CD209: variants seen among roughly 807,000 people sequenced by gnomAD.
The protein encoded by CD209 is CD209 antigen.
In CD209, 31 loss-of-function variants were observed where a neutral mutation model predicts 44.7. The observed-to-expected ratio is 0.69, with a 90% CI of 0.52 to 0.94. The LOEUF (loss-of-function observed/expected upper bound fraction) is 0.94, where lower values mean the gene tolerates loss of function less well. CD209 is among the 40% of genes least tolerant of loss of function. CD209 has a pLI of 0.00. For synonymous variants in CD209, 173 were observed against 181.3 expected (o/e 0.95, Z 0.37); for missense variants, 407 against 452.4 (o/e 0.90, Z 0.91).
rs1345025031 is a variant in CD209 at position 7,744,962 on chromosome 19, T to C, written c.879A>G (p.Val293=). 3 of 1,614,102 alleles carry C rather than the reference T, an allele frequency of 1.9e-6. No homozygotes were observed. Among genetic ancestry groups the C allele is most frequent in the Non-Finnish European group, 2.5e-6 (3 of 1,180,032 alleles). ...GTACCTGCTCCTCAGCACTTTTGAT[T>C]ACGACGAGCTGGGCCCCCACTTCTT... is the stretch of plus-strand genomic sequence containing the variant. ...ACKEVGAQLV[V]IKSAEEQNFL... Residue 293 remains valine (V), a synonymous_variant, in exon 5 of 7, where the codon GTA becomes GTG. Transcript: ENST00000315599.
chr19:7,747,241 C>T, intron 2 of CD209, 65 bp downstream of exon 2: 2 of 1,543,734 alleles, frequency 1.3e-6, no homozygotes, highest in Non-Finnish European at 1.8e-6. Context: ...CAGCGTCCAG[C>T]TCCTCAGGAC....
rs1364368999 is a variant in CD209 at position 7,743,000 on chromosome 19, G to A, written c.*39C>T. 1 of 1,469,028 alleles carries A rather than the reference G, an allele frequency of 6.8e-7. No homozygotes were observed. 91.0% of individuals were successfully genotyped at this position (1,469,028 alleles called of 1,614,324 possible). A position where few individuals can be genotyped will look rare whatever the true frequency, so the allele number is the denominator to read the frequency against. ...GAGATTTTGTGAAGGTCGAAGGATG[G>A]AGAGAAGGAACTGTAGCTTAAAAGG... On this transcript the variant is annotated 3_prime_UTR_variant, in exon 7 of 7. Transcript: ENST00000315599.
rs778710154 is a variant in CD209 at position 7,740,258 on chromosome 19, T to C, written c.*2781A>G. On this transcript the variant is annotated 3_prime_UTR_variant, in exon 7 of 7. Coordinates refer to ENST00000315599, the MANE Select transcript of CD209 (RefSeq NM_021155.4). ...CTGTTCCTCGGTCTGAGCACTTAGG[T>C]TCCACGTGGATTTGCACGCTTCGTT... 3 of 415,830 alleles carry C rather than the reference T, an allele frequency of 7.2e-6. No homozygotes were observed. Among genetic ancestry groups the C allele is most frequent in the Non-Finnish European group, 1.3e-5 (3 of 226,884 alleles). 25.8% of individuals were successfully genotyped at this position (415,830 alleles called of 1,614,324 possible).
At position 7,746,456 on chromosome 19, in the gene CD209, T is replaced by C. The variant is rs1239698395; in HGVS notation, c.178+4A>G. On this transcript the variant is annotated splice_donor_region_variant and intron_variant, in intron 3 of 6. Transcript: ENST00000315599. ...ACCCCAGACCCTCAGAACCTGCCCC[T>C]GACCTTGGACAAGGAGCCCAGCCAA... 3 of 1,613,536 alleles carry C rather than the reference T, an allele frequency of 1.9e-6. No homozygotes were observed. In the African/African-American group the frequency reaches 4.0e-5, roughly 22 times the overall value.
In CD209 at chr19:7,743,059, G is replaced by T. The variant is rs752457226; in HGVS notation, c.1195C>A (p.Pro399Thr). The change falls in exon 7 of 7, where the codon CCA becomes ACA. Residue 399 changes from proline to threonine, a missense_variant. Pro to Thr is a conservative substitution (Grantham distance 38). Coordinates refer to ENST00000315599, the MANE Select transcript of CD209 (RefSeq NM_021155.4). ...EQFLSPAPAT[P>T]NPPPA ...TTCTGCTACGCAGGAGGGGGGTTTGGGGTGGCAGGGGCTGGAGAAAGAAAC... is the reference window on the plus strand; with the variant it reads ...TTCTGCTACGCAGGAGGGGGGTTTGTGGTGGCAGGGGCTGGAGAAAGAAAC... The T allele has an allele frequency of 6.2e-5, 100 of 1,613,274 alleles. No homozygotes were observed. The highest frequency in any genetic ancestry group is 7.8e-5 in the Non-Finnish European group (92 of 1,179,484).
At position 7,746,165 on chromosome 19, in the gene CD209, C is replaced by T. The variant is rs987218596; in HGVS notation, c.179-78G>A. 2.5e-6 allele frequency: 4 copies of T among 1,573,950 alleles called. No homozygotes were observed. The African/African-American group carries it at 5.5e-5, about 22-fold the overall frequency. ...AGCCTTGAACTGAGCCCCATAGGGACATCATTTGTGAGAGCCAAGGTCTTG... is the reference window on the plus strand; with the variant it reads ...AGCCTTGAACTGAGCCCCATAGGGATATCATTTGTGAGAGCCAAGGTCTTG... On this transcript the variant is annotated intron_variant, in intron 3 of 6. Coordinates refer to ENST00000315599, the MANE Select transcript of CD209 (RefSeq NM_021155.4).
At position 7,741,951 on chromosome 19, in the gene CD209, T is replaced by G. The variant is rs1312594615; in HGVS notation, c.*1088A>C. 2.7e-6 allele frequency: 1 copy of G among 376,194 alleles called. No homozygotes were observed. Among genetic ancestry groups the G allele is most frequent in the African/African-American group, 2.2e-5 (1 of 46,176 alleles). 23.3% of individuals were successfully genotyped at this position (376,194 alleles called of 1,614,324 possible). A position where few individuals can be genotyped will look rare whatever the true frequency, so the allele number is the denominator to read the frequency against. On this transcript the variant is annotated 3_prime_UTR_variant, in exon 7 of 7. Coordinates refer to ENST00000315599, the MANE Select transcript of CD209 (RefSeq NM_021155.4). ...AAAAGGAAGAAATCTCACTAGCACA[T>G]GTCAAAGAGCCAGGAGAGGCACAAT...
rs1195148133 is a variant in CD209 at position 7,740,586 on chromosome 19, C to G, written c.*2453G>C. ...TCCACTGAGGGACTCAGGACTCTCA[C>G]AGAAAGAGGAGGACACTTTTATTGA... On this transcript the variant is annotated 3_prime_UTR_variant, in exon 7 of 7. Coordinates refer to ENST00000315599, the MANE Select transcript of CD209 (RefSeq NM_021155.4). The G allele has an allele frequency of 1.2e-6, 1 of 847,848 alleles. No homozygotes were observed. Among genetic ancestry groups the G allele is most frequent in the African/African-American group, 1.7e-5 (1 of 60,136 alleles). The allele number at this position is 847,848 out of a possible 1,614,324, so 52.5% of individuals were successfully genotyped here. A position where few individuals can be genotyped will look rare whatever the true frequency, so the allele number is the denominator to read the frequency against.
At position 7,740,690 on chromosome 19, in the gene CD209, A is replaced by G. The variant is rs767163640; in HGVS notation, c.*2349T>C. Reference sequence around the variant, plus strand: ...AGTGGTTGCTGAGAGAGCAGAAGGCACAAGAAGAATTCAGAATAAAGAAGG... The same window carrying G: ...AGTGGTTGCTGAGAGAGCAGAAGGCGCAAGAAGAATTCAGAATAAAGAAGG... On this transcript the variant is annotated 3_prime_UTR_variant, in exon 7 of 7. Coordinates refer to ENST00000315599, the MANE Select transcript of CD209 (RefSeq NM_021155.4). 5.2e-6 allele frequency: 4 copies of G among 775,346 alleles called. No individual in the cohort carries two copies. Among genetic ancestry groups the G allele is most frequent in the Non-Finnish European group, 9.6e-6 (4 of 415,588 alleles). 48.0% of individuals were successfully genotyped at this position (775,346 alleles called of 1,614,324 possible).
rs1253585301 is a variant in CD209, at chr19:7,745,603, C to T, written c.663G>A (p.Arg221=). 2 of 634,036 alleles carry T rather than the reference C, an allele frequency of 3.2e-6. No individual in the cohort carries two copies. The highest frequency in any genetic ancestry group is 5.6e-6 in the Non-Finnish European group (2 of 358,012). 39.3% of individuals were successfully genotyped at this position (634,036 alleles called of 1,614,324 possible). A position where few individuals can be genotyped will look rare whatever the true frequency, so the allele number is the denominator to read the frequency against. ...KQQEIYQELT[R]LKAAVGELPE... ...GAAGCTCACCCACTGCAGCCTTCAG[C>T]CGGGTCAGCTCCTGGTAGATCTCCT... The change falls in exon 4 of 7, where the codon CGG becomes CGA. Residue 221 remains arginine (R), a synonymous_variant. Transcript: ENST00000315599.
rs371046068 is a variant in CD209 at position 7,746,454 on chromosome 19, C to T, written c.178+6G>A. The T allele has an allele frequency of 6.2e-7, 1 of 1,613,836 alleles. No individual in the cohort carries two copies. The highest frequency in any genetic ancestry group is 1.1e-5 in the South Asian group (1 of 91,084). ...GGACCCCAGACCCTCAGAACCTGCCCCTGACCTTGGACAAGGAGCCCAGCC... is the reference window on the plus strand; with the variant it reads ...GGACCCCAGACCCTCAGAACCTGCCTCTGACCTTGGACAAGGAGCCCAGCC... On this transcript the variant is annotated splice_donor_region_variant and intron_variant, in intron 3 of 6. Coordinates refer to ENST00000315599, the MANE Select transcript of CD209 (RefSeq NM_021155.4).
In CD209 at chr19:7,742,955, T is replaced by A; in HGVS notation, c.*84A>T. 1 of 1,094,928 alleles carries A rather than the reference T, an allele frequency of 9.1e-7. No homozygotes were observed. Among genetic ancestry groups the A allele is most frequent in the Non-Finnish European group, 1.4e-6 (1 of 723,790 alleles). 67.8% of individuals were successfully genotyped at this position (1,094,928 alleles called of 1,614,324 possible). On this transcript the variant is annotated 3_prime_UTR_variant, in exon 7 of 7. Coordinates refer to ENST00000315599, the MANE Select transcript of CD209 (RefSeq NM_021155.4). ...ACCCAGCCTTCTAAAGGAGGAAGAA[T>A]CTGACAAAGAACAGTCCCAGAGATT...
Position 7,745,413 on chromosome 19 carries a change from T to C in CD209, c.748+105A>G, listed in dbSNP as rs2033773047. 76 of 1,597,898 alleles carry C rather than the reference T, an allele frequency of 4.8e-5. No individual in the cohort carries two copies. The South Asian group carries it at 6.7e-4, about 14-fold the overall frequency. On this transcript the variant is annotated intron_variant, in intron 4 of 6. Transcript: ENST00000315599. ...TGATCACAGTTACCCTGTGTTCTCA[T>C]TTCACAGATGAGGAAACTTGCTCAG...
At position 7,740,888 on chromosome 19, in the gene CD209, CG is replaced by C; in HGVS notation, c.*2150del. On this transcript the variant is annotated 3_prime_UTR_variant, in exon 7 of 7. Transcript: ENST00000315599. Reference sequence around the variant, plus strand: ...AGGCTGAAAATGAGTTGGAAAATGGCGCCACATGGCAAAACCCGGAACCCCC... The same window carrying C: ...AGGCTGAAAATGAGTTGGAAAATGGCCCACATGGCAAAACCCGGAACCCCC... 1.4e-6 allele frequency: 1 copy of C among 733,218 alleles called. No homozygotes were observed. The highest frequency in any genetic ancestry group is 2.5e-5 in the East Asian group (1 of 40,562). 45.4% of individuals were successfully genotyped at this position (733,218 alleles called of 1,614,324 possible). A position where few individuals can be genotyped will look rare whatever the true frequency, so the allele number is the denominator to read the frequency against.
chr19:7,743,722 C>G (rs1382478335), intron 6 of CD209, among the ~76,000 whole-genome samples: 1 of 152,142 alleles, frequency 6.6e-6, no homozygotes, highest in Non-Finnish European at 1.5e-5. Context: ...ACCACTCTGA[C>G]TCATAACAGA....
rs976381242 is a variant in CD209, at chr19:7,740,947, G to A, written c.*2092C>T. 3.2e-5 allele frequency: 23 copies of A among 717,532 alleles called. No individual in the cohort carries two copies. Among genetic ancestry groups the A allele is most frequent in the African/African-American group, 3.2e-4 (18 of 56,940 alleles). 44.4% of individuals were successfully genotyped at this position (717,532 alleles called of 1,614,324 possible). ...TTTCAGAGTCATGGAGAAGGATGGA[G>A]TTAATTGTCCCTTCTACAGTAAAAC... On this transcript the variant is annotated 3_prime_UTR_variant, in exon 7 of 7. Coordinates refer to ENST00000315599, the MANE Select transcript of CD209 (RefSeq NM_021155.4).
At chr19:7,746,867 C>T (rs1405492668) in intron 2 of CD209, among the ~76,000 whole-genome samples, 3 of 151,386 alleles carry the variant, frequency 2.0e-5, no homozygotes, top group Admixed American at 1.3e-4. Context: ...GACCCAGCCT[C>T]CCCTTCCCCA....
In CD209 at chr19:7,744,973, G is replaced by A. The variant is rs764979869; in HGVS notation, c.868C>T (p.Gln290Ter). The stretch of plus-strand genomic sequence containing the variant: ...TCAGCACTTTTGATTACGACGAGCT[G>A]GGCCCCCACTTCTTTGCAGGCGGTG... ...SITACKEVGA[Q>*]LVVIKSAEEQ... The change falls in exon 5 of 7, where the codon CAG (glutamine) becomes TAG (stop). Residue 290 changes from glutamine to a stop codon, truncating the protein, a stop_gained. Coordinates refer to ENST00000315599, the MANE Select transcript of CD209 (RefSeq NM_021155.4). LOFTEE classifies it high-confidence loss of function. 6.2e-7 allele frequency: 1 copy of A among 1,614,234 alleles called. No homozygotes were observed. Among genetic ancestry groups the A allele is most frequent in the Non-Finnish European group, 8.5e-7 (1 of 1,180,044 alleles).
intron 6 of CD209, among the ~76,000 whole-genome samples, chr19:7,743,566 G>C (rs10410342): frequency 0.11 from 16,213 of 152,140 alleles, 1,352 homozygotes; most frequent in African/African-American, 0.24. Context: ...CCCAAGGCCA[G>C]GTGTCAGACA....
Sources: allele counts gnomAD v4.1 joint callset (sites outside exome capture counted in the v4.1 genomes callset), GRCh38; gene constraint gnomAD v4.1.1; transcripts MANE v1.5; gene names NCBI Gene and HGNC (gene_info 2026-07-23, HGNC 2026-07-21).